The following EFHC1 variants were observed in gnomAD, a reference collection of about 807,000 sequenced individuals.
EFHC1 encodes EF-hand domain containing 1.
EFHC1 carries 53 observed loss-of-function variants against 69.9 expected under a neutral mutation model. That is an observed-to-expected ratio of 0.76 (90% CI 0.61 to 0.95). The LOEUF (loss-of-function observed/expected upper bound fraction) is 0.95, where lower values mean the gene tolerates loss of function less well. Among genes scored for constraint, EFHC1 ranks in the 40% least tolerant of loss-of-function variants. The probability of loss-of-function intolerance (pLI) is 0.00; values close to 1 mark genes in which losing one functional copy is unlikely to be tolerated. For missense variants in EFHC1, 739 were observed against 798.7 expected (o/e 0.93, Z 0.90); for synonymous variants, 256 against 278.4 (o/e 0.92, Z 0.80).
chr6:52,489,364 G>A lies in EFHC1; in HGVS notation c.1641-776G>A, dbSNP rs1040462424. On this transcript the variant is annotated intron_variant, in intron 9 of 10. Coordinates refer to ENST00000371068, the MANE Select transcript of EFHC1 (RefSeq NM_018100.4). ...TGTGTTTTCTCATCACTGAAAGAGGGAAGAATGCTTACTGACTTTATGTGG... is the reference window on the plus strand; with the variant it reads ...TGTGTTTTCTCATCACTGAAAGAGGAAAGAATGCTTACTGACTTTATGTGG... The A allele has an allele frequency of 3.3e-5, 5 of 152,172 alleles. No individual in the cohort carries two copies. In the South Asian group the frequency reaches 1.0e-3, roughly 31 times the overall value. 9.4% of individuals were successfully genotyped at this position (152,172 alleles called of 1,614,324 possible).
At chr6:52,481,122 G>A (rs989042028) in intron 9 of EFHC1, among the ~76,000 whole-genome samples, 2 of 152,194 alleles carry the variant, frequency 1.3e-5, no homozygotes, top group African/African-American at 4.8e-5. Flanking sequence ...GGTATCAGTG[G>A]AGGTGGGGAG....
intron 5 of EFHC1, among the ~76,000 whole-genome samples, chr6:52,462,552 A>G (rs562904045): frequency 3.9e-4 from 59 of 152,290 alleles, no homozygotes; most frequent in African/African-American, 1.3e-3. Flanking sequence ...AAGATTTATG[A>G]AGGGATAAAC....
chr6:52,483,715 C>T (rs1765727669), intron 9 of EFHC1: 2 of 152,222 alleles, frequency 1.3e-5, no homozygotes, highest in South Asian at 4.1e-4. Flanking sequence ...TTTAGCTAGT[C>T]CTCAATTTGG....
chr6:52,424,506 T>C (rs752961635), intron 2 of EFHC1, among the ~76,000 whole-genome samples: 7 of 152,246 alleles, frequency 4.6e-5, no homozygotes, highest in Non-Finnish European at 8.8e-5. Flanking sequence ...AACTGTATTC[T>C]GTAATGGTGA....
chr6:52,464,811 C>G, intron 5 of EFHC1, 84 bp from the exon 6 acceptor site: 4 of 1,234,286 alleles, frequency 3.2e-6, no homozygotes, highest in Non-Finnish European at 4.7e-6. Context: ...CTCAGGTTCT[C>G]AAGAATGCCT....
At position 52,493,386 on chromosome 6, in the gene EFHC1, T is replaced by TATATATATATATATATATATATCTA. The variant is rs60720755; in HGVS notation, c.*1045_*1046insATATATATATATATATATATATCTA. 1 of 120,230 alleles carries TATATATATATATATATATATATCTA rather than the reference T, an allele frequency of 8.3e-6. No individual in the cohort carries two copies. The highest frequency in any genetic ancestry group is 9.1e-5 in the South Asian group (1 of 10,934). 7.4% of individuals were successfully genotyped at this position (120,230 alleles called of 1,614,324 possible). A position where few individuals can be genotyped will look rare whatever the true frequency, so the allele number is the denominator to read the frequency against. On this transcript the variant is annotated 3_prime_UTR_variant, in exon 11 of 11. Transcript: ENST00000371068. ...TCTACATATATATATATATATATAT[T>TATATATATATATATATATATATCTA]TTATATGTACACATTCATACACACA...
chr6:52,449,418 A>G (rs1339494312), intron 3 of EFHC1, among the ~76,000 whole-genome samples: 2 of 150,590 alleles, frequency 1.3e-5, no homozygotes, highest in South Asian at 2.1e-4. Flanking sequence ...TCTTCTTTGT[A>G]TATCTGATAG....
chr6:52,443,283 T>G lies in EFHC1; in HGVS notation c.573+4692T>G, dbSNP rs552518791. Reference sequence around the variant, plus strand: ...GTTTATTTTGCTGTGCAGAAGCTCTTTAGTTTAATTACATCCCATTGGTCA... The same window carrying G: ...GTTTATTTTGCTGTGCAGAAGCTCTGTAGTTTAATTACATCCCATTGGTCA... On this transcript the variant is annotated intron_variant, in intron 3 of 10. Coordinates refer to ENST00000371068, the MANE Select transcript of EFHC1 (RefSeq NM_018100.4). 1.5e-3 allele frequency among the ~76,000 whole-genome samples: 233 copies of G among 152,372 alleles called. 1 individual carries two copies. The highest frequency in any genetic ancestry group is 5.5e-3 in the African/African-American group (228 of 41,596).
intron 6 of EFHC1, among the ~76,000 whole-genome samples, chr6:52,466,905 A>G (rs935281991): frequency 1.3e-5 from 2 of 152,194 alleles, no homozygotes; most frequent in East Asian, 1.9e-4. Flanking sequence ...TTCTTTATCA[A>G]TGATGTGTTC....
intron 9 of EFHC1, chr6:52,486,477 T>A (rs1765788959): frequency 2.0e-5 from 3 of 152,232 alleles, no homozygotes; most frequent in Non-Finnish European, 4.4e-5. Context: ...TTGTGCACTT[T>A]AGCTTCAAGA....
intron 2 of EFHC1, among the ~76,000 whole-genome samples, chr6:52,432,082 T>G (rs1392061597): frequency 6.6e-6 from 1 of 152,184 alleles, no homozygotes; most frequent in Non-Finnish European, 1.5e-5. Context: ...TAAATTTACA[T>G]GAGTCCTTAT....
intron 5 of EFHC1, among the ~76,000 whole-genome samples, chr6:52,459,686 T>G (rs1400309416): frequency 6.6e-6 from 1 of 152,056 alleles, no homozygotes; most frequent in East Asian, 1.9e-4. Flanking sequence ...TGTTTGTTTG[T>G]TTTTTTGAGA....
chr6:52,486,149 T>C (rs1424251670), intron 9 of EFHC1: 1 of 152,240 alleles, frequency 6.6e-6, no homozygotes, highest in African/African-American at 2.4e-5. Flanking sequence ...AAGGGGATCA[T>C]GAGTACTTGT....
intron 3 of EFHC1, among the ~76,000 whole-genome samples, chr6:52,440,151 T>C (rs1210461819): frequency 6.6e-6 from 1 of 152,088 alleles, no homozygotes; most frequent in Non-Finnish European, 1.5e-5. Flanking sequence ...CCACTAGTCT[T>C]AGAGGAAATA....
At chr6:52,452,528 C>T (rs1434207852) in intron 3 of EFHC1, among the ~76,000 whole-genome samples, 160 bp from the exon 4 acceptor site, 2 of 152,170 alleles carry the variant, frequency 1.3e-5, no homozygotes, top group East Asian at 1.9e-4. Context: ...TTGTGAACTC[C>T]TGCGTTTCAG....
chr6:52,420,668 G>A (rs1053688859), intron 1 of EFHC1, among the ~76,000 whole-genome samples, 195 bp downstream of exon 1: 1 of 152,028 alleles, frequency 6.6e-6, no homozygotes, highest in Admixed American at 6.5e-5. Context: ...CCCTCTCTCC[G>A]ATCCTTTGCC....
At chr6:52,488,457 A>C (rs1347542882) in intron 9 of EFHC1, 1 of 152,216 alleles carries the variant, frequency 6.6e-6, no homozygotes. Context: ...ATTTTTGAAA[A>C]TCTTATAACT....
chr6:52,479,591 T>C, intron 8 of EFHC1, 49 bp from the exon 9 acceptor site: 1 of 1,613,524 alleles, frequency 6.2e-7, no homozygotes. Flanking sequence ...TACTCCTGAT[T>C]GCGTGAGAGA....
intron 1 of EFHC1, chr6:52,420,927 A>G: frequency 1.2e-6 from 1 of 843,790 alleles, no homozygotes; most frequent in Non-Finnish European, 1.5e-6. Flanking sequence ...GCCACTATGC[A>G]CCTTCAACCT....
Sources: allele counts gnomAD v4.1 joint callset (sites outside exome capture counted in the v4.1 genomes callset), GRCh38; gene constraint gnomAD v4.1.1; transcripts MANE v1.5; gene names NCBI Gene and HGNC (gene_info 2026-07-23, HGNC 2026-07-21).